The following PSD3 variants were observed in gnomAD, a reference collection of about 807,000 sequenced individuals.
The protein encoded by PSD3 is PH and SEC7 domain-containing protein 3.
A neutral mutation model predicts 105.5 loss-of-function variants in PSD3; 49 were observed. The observed-to-expected ratio is 0.46, with a 90% CI of 0.37 to 0.59. The LOEUF (loss-of-function observed/expected upper bound fraction) is 0.59, where lower values mean the gene tolerates loss of function less well. Among genes scored for constraint, PSD3 ranks in the 20% least tolerant of loss-of-function variants. The pLI is 0.00. For synonymous variants in PSD3, 557 were observed against 457.8 expected, an observed-to-expected ratio of 1.22 and a Z score of -2.77; for missense variants, 1,561 against 1,263.8, an observed-to-expected ratio of 1.24 and a Z score of -3.57.
chr8:19,070,605 G>C (rs1419204385), intron 1 of PSD3, among the ~76,000 whole-genome samples: 1 of 152,148 alleles, frequency 6.6e-6, no homozygotes, highest in East Asian at 1.9e-4. Flanking sequence ...TTAAATCTGG[G>C]AGGCGGAGGT....
intron 11 of PSD3, among the ~76,000 whole-genome samples, chr8:18,618,965 C>G (rs1028272828): frequency 3.3e-5 from 5 of 152,162 alleles, no homozygotes; most frequent in Admixed American, 3.3e-4. Context: ...TTTTGTAATT[C>G]AGTTCTCAGC....
chr8:18,729,887 A>G (rs1179613678), intron 9 of PSD3, among the ~76,000 whole-genome samples: 19 of 152,316 alleles, frequency 1.2e-4, no homozygotes, highest in East Asian at 5.8e-4. Context: ...ACGTTGCTAC[A>G]ATGCACTAAA....
At chr8:18,880,375 A>G (rs1004591559) in intron 2 of PSD3, among the ~76,000 whole-genome samples, 6 of 152,202 alleles carry the variant, frequency 3.9e-5, no homozygotes, top group Admixed American at 3.9e-4. Context: ...GAGTATTTCC[A>G]GAACATGAAA....
chr8:18,698,506 G>A (rs1801390164), intron 9 of PSD3, among the ~76,000 whole-genome samples: 1 of 152,046 alleles, frequency 6.6e-6, no homozygotes, highest in South Asian at 2.1e-4. Flanking sequence ...GTTTGAAGGT[G>A]GAGAAAGGGG....
At chr8:18,570,556 T>A (rs1455118561) in intron 14 of PSD3, among the ~76,000 whole-genome samples, 1 of 149,594 alleles carries the variant, frequency 6.7e-6, no homozygotes, top group African/African-American at 2.5e-5. Context: ...GAGAAAATTT[T>A]CGCAACCTAC....
intron 1 of PSD3, among the ~76,000 whole-genome samples, chr8:18,996,484 C>T (rs1353642154): frequency 1.3e-5 from 2 of 151,782 alleles, no homozygotes; most frequent in Admixed American, 6.6e-5. Context: ...AAGATAAGGA[C>T]TTTATGTTGA....
Position 19,013,552 on chromosome 8 carries a change from C to T in PSD3, c.21+11G>A, listed in dbSNP as rs1251588238. On this transcript the variant is annotated intron_variant, in intron 1 of 15. Transcript: ENST00000327040. ...CGCACCCCGCGCCCGCGCCCCGGCC[C>T]CGGAGCTCACCGCTGCGCTCCTTCC... 2.6e-6 allele frequency: 4 copies of T among 1,566,318 alleles called. No homozygotes were observed. The South Asian group carries it at 4.5e-5, about 18-fold the overall frequency.
rs546245553 is a variant in PSD3, at chr8:18,557,911, T to C, written c.2785-1559A>G. On this transcript the variant is annotated intron_variant, in intron 14 of 15. Coordinates refer to ENST00000327040, the MANE Select transcript of PSD3 (RefSeq NM_015310.4). ...TCAAAATTAACCTTCAGTGTAGCTA[T>C]ACTCGAAAATGGGGTCCCTAAAGAA... Among the ~76,000 whole-genome samples, 242 of 152,334 alleles carry C rather than the reference T, an allele frequency of 1.6e-3. 1 individual carries two copies. Among genetic ancestry groups the C allele is most frequent in the African/African-American group, 5.6e-3 (234 of 41,584 alleles).
chr8:18,648,188 G>GA (rs1399614146), intron 10 of PSD3, among the ~76,000 whole-genome samples: 1 of 152,216 alleles, frequency 6.6e-6, no homozygotes, highest in Non-Finnish European at 1.5e-5. Flanking sequence ...GCAGAGGTTG[G>GA]AAGAGTGTGG....
At chr8:18,953,481 G>A (rs939933432) in intron 1 of PSD3, among the ~76,000 whole-genome samples, 1 of 152,202 alleles carries the variant, frequency 6.6e-6, no homozygotes, top group Non-Finnish European at 1.5e-5. Flanking sequence ...GGGTGTGGTG[G>A]CTCACGCCTG....
chr8:18,595,886 AATGCAATACACCAAAT>A (rs1050991850), intron 12 of PSD3, among the ~76,000 whole-genome samples: 4 of 152,028 alleles, frequency 2.6e-5, no homozygotes, highest in African/African-American at 9.7e-5. Flanking sequence ...GAACTTCAAA[AATGCAATACACCAAAT>A]ATCCTAGCAA....
At chr8:18,998,379 C>A (rs906232591) in intron 1 of PSD3, among the ~76,000 whole-genome samples, 5 of 151,942 alleles carry the variant, frequency 3.3e-5, no homozygotes, top group Admixed American at 3.3e-4. Context: ...CTTGCTTCAC[C>A]AGAGCTCATT....
At chr8:18,890,798 C>CA (rs750385184) in intron 2 of PSD3, among the ~76,000 whole-genome samples, 5 of 148,688 alleles carry the variant, frequency 3.4e-5, no homozygotes, top group African/African-American at 5.0e-5. Context: ...CCCTGTGCTG[C>CA]AAACTGCACT....
At chr8:18,792,155 G>A (rs1809781892) in intron 8 of PSD3, among the ~76,000 whole-genome samples, 1 of 152,110 alleles carries the variant, frequency 6.6e-6, no homozygotes, top group African/African-American at 2.4e-5. Flanking sequence ...AAGACAGTAT[G>A]GTAATTCCTC....
At chr8:18,725,203 C>A (rs187191620) in intron 9 of PSD3, among the ~76,000 whole-genome samples, 13 of 152,120 alleles carry the variant, frequency 8.5e-5, no homozygotes, top group Non-Finnish European at 1.8e-4. Context: ...TTAGGTCTAA[C>A]GCGACGCAAG....
chr8:18,642,602 C>A (rs1807731646), intron 10 of PSD3, among the ~76,000 whole-genome samples: 1 of 152,104 alleles, frequency 6.6e-6, no homozygotes, highest in African/African-American at 2.4e-5. Context: ...TCTAAAAATG[C>A]TTTAGGACAA....
intron 14 of PSD3, among the ~76,000 whole-genome samples, chr8:18,571,357 T>G (rs1802126329): frequency 8.0e-6 from 1 of 125,410 alleles, no homozygotes; most frequent in Admixed American, 8.2e-5. Flanking sequence ...TCTCTAGGCC[T>G]TCGTTCCTCT....
At chr8:18,801,562 G>T (rs1215659356) in intron 6 of PSD3, among the ~76,000 whole-genome samples, 180 bp from the exon 7 acceptor site, 1 of 152,140 alleles carries the variant, frequency 6.6e-6, no homozygotes, top group South Asian at 2.1e-4. Context: ...ATTGGTATTA[G>T]TATTTAAATT....
rs949121422 is a variant in PSD3 at position 18,529,245 on chromosome 8, A to G, written c.*6498T>C. On this transcript the variant is annotated 3_prime_UTR_variant, in exon 16 of 16. Transcript: ENST00000327040. Reference sequence around the variant, plus strand: ...ATATGGATCCCCTCATTTATGTGTTAAAAATATAATGCATCTCAAAGTCAG... The same window carrying G: ...ATATGGATCCCCTCATTTATGTGTTGAAAATATAATGCATCTCAAAGTCAG... The G allele has an allele frequency of 6.6e-6, 1 of 152,174 alleles. No homozygotes were observed. The highest frequency in any genetic ancestry group is 1.5e-5 in the Non-Finnish European group (1 of 68,024). The allele number at this position is 152,174 out of a possible 1,614,324, so 9.4% of individuals were successfully genotyped here.
Sources: allele counts gnomAD v4.1 joint callset (sites outside exome capture counted in the v4.1 genomes callset), GRCh38; gene constraint gnomAD v4.1.1; transcripts MANE v1.5; gene names NCBI Gene and HGNC (gene_info 2026-07-23, HGNC 2026-07-21).